Variants in PITPNM3 observed in about 807,000 individuals in gnomAD.
PITPNM3 encodes the protein membrane-associated phosphatidylinositol transfer protein 3.
Under a neutral mutation model 102.0 loss-of-function variants are expected in PITPNM3, and 26 were observed. That is an observed-to-expected ratio of 0.25 (90% CI 0.19 to 0.35). The LOEUF (loss-of-function observed/expected upper bound fraction) is 0.35. Ranked by LOEUF, PITPNM3 falls within the 10% of genes least tolerant of loss-of-function variation. The pLI is 1.00. For missense variants in PITPNM3, 1,083 were observed against 1,346.1 expected, an observed-to-expected ratio of 0.80 and a Z score of 3.06; for synonymous variants, 578 against 558.6, an observed-to-expected ratio of 1.03 and a Z score of -0.49.
chr17:6,463,410 G>A (rs1487568087), intron 17 of PITPNM3, among the ~76,000 whole-genome samples: 2 of 151,854 alleles, frequency 1.3e-5, no homozygotes, highest in East Asian at 1.9e-4. Context: ...ATGCGTGCAC[G>A]AGTGCAGGGA....
intron 18 of PITPNM3, chr17:6,460,762 T>A (rs1354545909): frequency 6.3e-6 from 1 of 159,028 alleles, no homozygotes. Flanking sequence ...CTGCTCTAGG[T>A]CAGGGATTCT....
At chr17:6,477,360 A>T (rs935434602) in intron 8 of PITPNM3, 147 bp from the exon 9 acceptor site, 1 of 855,080 alleles carries the variant, frequency 1.2e-6, no homozygotes, top group African/African-American at 1.7e-5. Flanking sequence ...AGGAAGCCAC[A>T]TTGCAATCAT....
rs985826306 is a variant in PITPNM3, at chr17:6,517,673, C to T, written c.226+7683G>A. Among the ~76,000 whole-genome samples, 1 of 152,142 alleles carries T rather than the reference C, an allele frequency of 6.6e-6. No homozygotes were observed. Among genetic ancestry groups the T allele is most frequent in the African/African-American group, 2.4e-5 (1 of 41,428 alleles). On this transcript the variant is annotated intron_variant, in intron 3 of 19. Transcript: ENST00000262483. The surrounding 1 kb of genome is among the most constrained non-coding windows in gnomAD (Gnocchi z 4.1). ...CTCCTGGGTTCAAGCAACCCTCTCA[C>T]CTCAGCCTCCAGAATAACTGGGAAC...
chr17:6,553,288 T>C (rs1597425024), intron 1 of PITPNM3, among the ~76,000 whole-genome samples: 3 of 152,130 alleles, frequency 2.0e-5, no homozygotes, highest in African/African-American at 7.2e-5. Flanking sequence ...AAATGATGCC[T>C]TTCTGTGTAA....
intron 3 of PITPNM3, among the ~76,000 whole-genome samples, chr17:6,516,262 T>A (rs1226220655): frequency 6.6e-6 from 1 of 152,122 alleles, no homozygotes. Context: ...GAAAAGTCTC[T>A]GGAAGAGAAA....
intron 3 of PITPNM3, among the ~76,000 whole-genome samples, chr17:6,505,932 C>A (rs1907480746): frequency 6.6e-6 from 1 of 152,142 alleles, no homozygotes; most frequent in African/African-American, 2.4e-5. Flanking sequence ...TGTGCCAGAG[C>A]AGAGATTTCA....
Position 6,469,580 on chromosome 17 carries a change from G to A in PITPNM3, c.1773+680C>T, listed in dbSNP as rs776300745. ...GCAGACAGCCACAAGCGCTCTCACC[G>A]TAATGCAAATCTTGCCACTCTGTGG... On this transcript the variant is annotated intron_variant, in intron 13 of 19. Transcript: ENST00000262483. This position sits in a 1 kb window ranked among gnomAD's most constrained non-coding sequence, Gnocchi z 4.0. 2.0e-5 allele frequency among the ~76,000 whole-genome samples: 3 copies of A among 152,180 alleles called. No homozygotes were observed. Among genetic ancestry groups the A allele is most frequent in the Non-Finnish European group, 2.9e-5 (2 of 68,024 alleles).
At chr17:6,552,255 G>A (rs754006109) in intron 1 of PITPNM3, among the ~76,000 whole-genome samples, 2 of 152,138 alleles carry the variant, frequency 1.3e-5, no homozygotes, top group African/African-American at 2.4e-5. Flanking sequence ...AGCCTGAGAG[G>A]TGCCAAGACC....
chr17:6,544,244 G>C (rs1909887559), intron 1 of PITPNM3, among the ~76,000 whole-genome samples: 1 of 152,222 alleles, frequency 6.6e-6, no homozygotes, highest in Non-Finnish European at 1.5e-5. Flanking sequence ...AGAAAGGGAG[G>C]CCAGGCATGG....
intron 1 of PITPNM3, among the ~76,000 whole-genome samples, chr17:6,542,106 A>T (rs1909761451): frequency 6.6e-6 from 1 of 152,136 alleles, no homozygotes; most frequent in Admixed American, 6.5e-5. Flanking sequence ...CAACCCTTCT[A>T]CCTGTTTCTG....
chr17:6,455,435 C>T lies in PITPNM3; in HGVS notation c.2828G>A (p.Arg943Gln). Residue 943 changes from arginine (R) to glutamine (Q), a missense_variant, in exon 20 of 20, where the codon CGG (arginine) becomes CAG (glutamine). Arg to Gln is a conservative substitution (Grantham distance 43). Transcript: ENST00000262483. ...GTCCGACTCGGGCTGGCTCTGGGCC[C>T]GCTCGGGCTTGGGGTTGGCGGCGGG... The part of the protein sequence containing the change: ...DPPAANPKPE[R>Q]AQSQPESDKD... 4 of 1,603,654 alleles carry T rather than the reference C, an allele frequency of 2.5e-6. No homozygotes were observed. Among genetic ancestry groups the T allele is most frequent in the Non-Finnish European group, 2.5e-6 (3 of 1,178,540 alleles).
At chr17:6,496,633 T>A (rs902377122) in intron 4 of PITPNM3, among the ~76,000 whole-genome samples, 1 of 152,214 alleles carries the variant, frequency 6.6e-6, no homozygotes, top group Non-Finnish European at 1.5e-5. Context: ...GTCTCCCAGA[T>A]GACAAGATCC....
rs2150721715 is a variant in PITPNM3, at chr17:6,468,133, C to G, written c.1890+92G>C. ...TGAGCTCTGAGGACAAATTGAAGCG[C>G]TTACCTCCCATGTGGATGCCCCAGC... On this transcript the variant is annotated intron_variant, in intron 14 of 19. Coordinates refer to ENST00000262483, the MANE Select transcript of PITPNM3 (RefSeq NM_031220.4). The surrounding 1 kb of genome is among the most constrained non-coding windows in gnomAD (Gnocchi z 5.2). 16 of 1,244,002 alleles carry G rather than the reference C, an allele frequency of 1.3e-5. No individual in the cohort carries two copies. In the South Asian group the frequency reaches 1.7e-4, roughly 13 times the overall value. 77.1% of individuals were successfully genotyped at this position (1,244,002 alleles called of 1,614,324 possible). A position where few individuals can be genotyped will look rare whatever the true frequency, so the allele number is the denominator to read the frequency against.
rs184310085 is a variant in PITPNM3, at chr17:6,508,745, G to C, written c.227-5171C>G. On this transcript the variant is annotated intron_variant, in intron 3 of 19. Transcript: ENST00000262483. ...ATCCCAGGGTTCCCAGGGCTGGTGA[G>C]GCCACCGACGGGGTCAGGAATAAGC... Among the ~76,000 whole-genome samples the C allele has an allele frequency of 4.2e-4, 64 of 152,330 alleles. No individual in the cohort carries two copies. The East Asian group carries it at 8.9e-3, about 21-fold the overall frequency.
chr17:6,555,467 G>A (rs975288187), intron 1 of PITPNM3, among the ~76,000 whole-genome samples: 2 of 152,150 alleles, frequency 1.3e-5, no homozygotes, highest in Non-Finnish European at 2.9e-5. Flanking sequence ...ATTCTCACAC[G>A]CCAGCCTCAC....
chr17:6,464,802 C>G (rs766585347), intron 14 of PITPNM3, 31 bp from the exon 15 acceptor site: 5 of 1,608,280 alleles, frequency 3.1e-6, no homozygotes, highest in Non-Finnish European at 4.3e-6. Flanking sequence ...TGGCTCAGCC[C>G]TTGCAAGGGA....
At chr17:6,542,107 C>T (rs1437010149) in intron 1 of PITPNM3, among the ~76,000 whole-genome samples, 1 of 152,242 alleles carries the variant, frequency 6.6e-6, no homozygotes, top group Non-Finnish European at 1.5e-5. Flanking sequence ...AACCCTTCTA[C>T]CTGTTTCTGG....
At chr17:6,508,970 C>A (rs1406716803) in intron 3 of PITPNM3, among the ~76,000 whole-genome samples, 1 of 152,198 alleles carries the variant, frequency 6.6e-6, no homozygotes, top group Non-Finnish European at 1.5e-5. Context: ...CTAAATGAGA[C>A]CCCACTTAGC....
Position 6,451,265 on chromosome 17 carries a change from AAGGCAAAG to A in PITPNM3, c.*4065_*4072del, listed in dbSNP as rs1913819946. The stretch of plus-strand genomic sequence containing the variant: ...TTAGTTCAGACCAAAACACATTGTA[AAGGCAAAG>A]AAGGTTTTTATTTAAGTGACAACAT... On this transcript the variant is annotated 3_prime_UTR_variant, in exon 20 of 20. Transcript: ENST00000262483. 1 of 152,224 alleles carries A rather than the reference AAGGCAAAG, an allele frequency of 6.6e-6. No individual in the cohort carries two copies. Among genetic ancestry groups the A allele is most frequent in the Non-Finnish European group, 1.5e-5 (1 of 68,040 alleles). 9.4% of individuals were successfully genotyped at this position (152,224 alleles called of 1,614,324 possible). A position where few individuals can be genotyped will look rare whatever the true frequency, so the allele number is the denominator to read the frequency against.
Sources: allele counts gnomAD v4.1 joint callset (sites outside exome capture counted in the v4.1 genomes callset), GRCh38; gene constraint gnomAD v4.1.1; non-coding constraint Gnocchi (gnomAD v3.1); transcripts MANE v1.5; gene names NCBI Gene and HGNC (gene_info 2026-07-23, HGNC 2026-07-21).